Variants in NKAIN3 observed in about 807,000 individuals in gnomAD.
NKAIN3 encodes the protein sodium/potassium transporting ATPase interacting 3, also known as sodium/potassium-transporting ATPase subunit beta-1-interacting protein 3.
A neutral mutation model predicts 30.2 loss-of-function variants in NKAIN3; 25 were observed. The ratio of observed to expected loss-of-function variants is 0.83; its 90% CI spans 0.60 to 1.16. The LOEUF (loss-of-function observed/expected upper bound fraction) is 1.16. Among genes scored for constraint, NKAIN3 ranks in the 50% most tolerant of loss-of-function variants. The pLI is 0.00. For missense variants in NKAIN3, 225 were observed against 254.1 expected, an observed-to-expected ratio of 0.89 and a Z score of 0.78; for synonymous variants, 91 against 89.6, an observed-to-expected ratio of 1.02 and a Z score of -0.09.
intron 5 of NKAIN3, among the ~76,000 whole-genome samples, chr8:62,995,003 T>C (rs546618895): frequency 3.9e-5 from 6 of 152,318 alleles, no homozygotes; most frequent in African/African-American, 1.4e-4. Flanking sequence ...TACTCTGAAA[T>C]TGTACCTAAA....
intron 1 of NKAIN3, among the ~76,000 whole-genome samples, chr8:62,453,459 A>G (rs1801375143): frequency 6.6e-6 from 1 of 152,172 alleles, no homozygotes; most frequent in Non-Finnish European, 1.5e-5. Context: ...TAACATCACA[A>G]TTAGAGGAAC....
chr8:62,664,548 G>T (rs1278071432), intron 3 of NKAIN3, among the ~76,000 whole-genome samples: 1 of 151,984 alleles, frequency 6.6e-6, no homozygotes, highest in South Asian at 2.1e-4. Flanking sequence ...TCTCATTTTT[G>T]ATACATTTTC....
intron 1 of NKAIN3, among the ~76,000 whole-genome samples, chr8:62,271,822 C>G (rs1812786478): frequency 1.3e-5 from 2 of 152,154 alleles, no homozygotes; most frequent in Admixed American, 6.5e-5. Context: ...TTTGGTTCCT[C>G]AGCTTTATTA....
chr8:62,856,358 C>A (rs1392355927), intron 4 of NKAIN3: 1 of 867,574 alleles, frequency 1.2e-6, no homozygotes, highest in South Asian at 1.3e-5. Flanking sequence ...GCTTCCTGGT[C>A]TCCTTGGAGT....
intron 1 of NKAIN3, among the ~76,000 whole-genome samples, chr8:62,463,763 G>A (rs1806070042): frequency 6.6e-6 from 1 of 152,136 alleles, no homozygotes; most frequent in Admixed American, 6.5e-5. Context: ...TATGTCTATA[G>A]TATATCTGTG....
chr8:62,824,392 A>G (rs1277128217), intron 4 of NKAIN3, among the ~76,000 whole-genome samples: 2 of 152,024 alleles, frequency 1.3e-5, no homozygotes, highest in African/African-American at 2.4e-5. Flanking sequence ...TTTATTAGGT[A>G]CCCAACCTAC....
intron 1 of NKAIN3, among the ~76,000 whole-genome samples, chr8:62,513,487 G>A (rs1224385994): frequency 6.6e-6 from 1 of 152,096 alleles, no homozygotes; most frequent in Non-Finnish European, 1.5e-5. Flanking sequence ...CCTCCTCCAG[G>A]AAGTGATTCT....
At chr8:62,813,444 T>C (rs1818557677) in intron 4 of NKAIN3, among the ~76,000 whole-genome samples, 1 of 151,824 alleles carries the variant, frequency 6.6e-6, no homozygotes, top group Admixed American at 6.6e-5. Context: ...TTTACGTCTG[T>C]GTGTTTCTTC....
At chr8:62,847,160 A>AT (rs1211043348) in intron 4 of NKAIN3, among the ~76,000 whole-genome samples, 1 of 152,120 alleles carries the variant, frequency 6.6e-6, no homozygotes, top group African/African-American at 2.4e-5. Context: ...ACACGCATGT[A>AT]TCTTTATAAC....
intron 1 of NKAIN3, among the ~76,000 whole-genome samples, chr8:62,490,583 T>C (rs140492093): frequency 1.9e-3 from 287 of 152,262 alleles, no homozygotes; most frequent in South Asian, 9.5e-3. Context: ...AGGAAAGCTA[T>C]GGGAAATAGT....
chr8:62,497,684 T>A lies in NKAIN3; in HGVS notation c.55-81855T>A, dbSNP rs73683317. Among the ~76,000 whole-genome samples, 837 of 152,204 alleles carry A rather than the reference T, an allele frequency of 5.5e-3. 5 individuals carry two copies. The highest frequency in any genetic ancestry group is 0.019 in the African/African-American group (786 of 41,550). ...GTCTAGGAGTGATCCAAAACATCCC[T>A]GATCCAAAGTATGCTGAGTGCCAAA... On this transcript the variant is annotated intron_variant, in intron 1 of 6. Coordinates refer to ENST00000623646, the MANE Select transcript of NKAIN3 (RefSeq NM_001304533.3).
At chr8:62,574,654 T>C (rs1009276363) in intron 1 of NKAIN3, among the ~76,000 whole-genome samples, 1 of 152,082 alleles carries the variant, frequency 6.6e-6, no homozygotes, top group African/African-American at 2.4e-5. Context: ...ATGATTTACG[T>C]TTCCACCAAC....
intron 4 of NKAIN3, among the ~76,000 whole-genome samples, chr8:62,764,318 A>C (rs1816768060): frequency 6.6e-6 from 1 of 152,198 alleles, no homozygotes; most frequent in South Asian, 2.1e-4. Flanking sequence ...ATATATGAAG[A>C]AACTGGGACA....
chr8:62,340,032 C>T (rs1348292564), intron 1 of NKAIN3, among the ~76,000 whole-genome samples: 1 of 152,104 alleles, frequency 6.6e-6, no homozygotes. Flanking sequence ...GTCTAGCTGA[C>T]ACTGATATGG....
intron 3 of NKAIN3, among the ~76,000 whole-genome samples, chr8:62,692,621 C>T (rs1814016861): frequency 6.6e-6 from 1 of 152,142 alleles, no homozygotes; most frequent in Non-Finnish European, 1.5e-5. Context: ...GAAACTGCCC[C>T]CTTCTGTGCA....
chr8:62,629,691 G>A (rs1811895646), intron 3 of NKAIN3, among the ~76,000 whole-genome samples: 1 of 152,140 alleles, frequency 6.6e-6, no homozygotes. Context: ...AATAGTTAAT[G>A]TAAAATCATC....
intron 4 of NKAIN3, among the ~76,000 whole-genome samples, chr8:62,893,518 A>C (rs553024938): frequency 6.6e-6 from 1 of 152,326 alleles, no homozygotes; most frequent in African/African-American, 2.4e-5. Flanking sequence ...TCTATAAGCT[A>C]TGGGCTATGG....
chr8:62,806,591 G>A (rs1037886494), intron 4 of NKAIN3, among the ~76,000 whole-genome samples: 1 of 151,980 alleles, frequency 6.6e-6, no homozygotes, highest in Non-Finnish European at 1.5e-5. Flanking sequence ...ACTCATAGGT[G>A]GGAATTGAAC....
intron 3 of NKAIN3, among the ~76,000 whole-genome samples, chr8:62,654,746 A>C (rs1029144855): frequency 6.6e-6 from 1 of 152,178 alleles, no homozygotes. Flanking sequence ...TTTACCACAC[A>C]TACACACACA....
Sources: allele counts gnomAD v4.1 joint callset (sites outside exome capture counted in the v4.1 genomes callset), GRCh38; gene constraint gnomAD v4.1.1; transcripts MANE v1.5; gene names NCBI Gene and HGNC (gene_info 2026-07-23, HGNC 2026-07-21).